Variants in EXOC6 observed in about 807,000 individuals in gnomAD.
The protein encoded by EXOC6 is exocyst complex component 6.
In EXOC6, 60 loss-of-function variants were observed where a neutral mutation model predicts 112.5. That is an observed-to-expected ratio of 0.53 (90% CI 0.43 to 0.66). The LOEUF (loss-of-function observed/expected upper bound fraction) is 0.66. EXOC6 is among the 30% of genes least tolerant of loss of function. EXOC6 has a pLI of 0.00. For synonymous variants in EXOC6, 295 were observed against 308.0 expected (o/e 0.96, Z 0.44); for missense variants, 855 against 957.1 (o/e 0.89, Z 1.41).
chr10:92,930,259 T>G (rs1179474025), intron 9 of EXOC6, among the ~76,000 whole-genome samples: 1 of 152,190 alleles, frequency 6.6e-6, no homozygotes, highest in East Asian at 1.9e-4. Flanking sequence ...TCCCAGCGCT[T>G]TGGGAGGCTG....
At chr10:92,853,680 C>A (rs1847458155) in intron 1 of EXOC6, among the ~76,000 whole-genome samples, 1 of 152,064 alleles carries the variant, frequency 6.6e-6, no homozygotes, top group Non-Finnish European at 1.5e-5. Context: ...AATTGGATAT[C>A]CTTACATAAA....
intron 17 of EXOC6, among the ~76,000 whole-genome samples, chr10:92,970,304 C>A (rs1842245836): frequency 6.6e-6 from 1 of 152,164 alleles, no homozygotes; most frequent in Non-Finnish European, 1.5e-5. Flanking sequence ...TGTCATTATA[C>A]CCTAAACAAT....
chr10:92,874,425 C>T (rs923201599), intron 1 of EXOC6, among the ~76,000 whole-genome samples: 1 of 151,880 alleles, frequency 6.6e-6, no homozygotes, highest in Non-Finnish European at 1.5e-5. Flanking sequence ...TATTGTGACA[C>T]AAACAGAAAA....
At chr10:92,961,610 TAAA>T (rs968710683) in intron 17 of EXOC6, among the ~76,000 whole-genome samples, 6 of 150,228 alleles carry the variant, frequency 4.0e-5, no homozygotes, top group African/African-American at 1.5e-4. Context: ...ACAGGAAAAA[TAAA>T]AACATTTTTT....
intron 17 of EXOC6, among the ~76,000 whole-genome samples, chr10:92,970,011 T>A (rs1433983935): frequency 6.6e-6 from 1 of 152,164 alleles, no homozygotes; most frequent in Non-Finnish European, 1.5e-5. Flanking sequence ...GTATTTTCTA[T>A]CCTTATCTAG....
chr10:92,948,868 G>A (rs987291626), intron 14 of EXOC6, among the ~76,000 whole-genome samples: 12 of 152,162 alleles, frequency 7.9e-5, no homozygotes, highest in Non-Finnish European at 1.2e-4. Context: ...TAAGTGATAT[G>A]TGAAGGCAAT....
At chr10:92,946,377 G>C (rs1853006521) in intron 13 of EXOC6, among the ~76,000 whole-genome samples, 1 of 151,964 alleles carries the variant, frequency 6.6e-6, no homozygotes, top group East Asian at 1.9e-4. Flanking sequence ...CTGGGCGACA[G>C]AGTGAGACCC....
chr10:92,872,312 T>G (rs1260537969), intron 1 of EXOC6, among the ~76,000 whole-genome samples: 2 of 152,110 alleles, frequency 1.3e-5, no homozygotes, highest in African/African-American at 4.8e-5. Flanking sequence ...TTTTATTTGT[T>G]AAATTTTGCT....
chr10:92,959,088 G>A (rs769673825), intron 17 of EXOC6, among the ~76,000 whole-genome samples: 6 of 151,956 alleles, frequency 3.9e-5, no homozygotes, highest in East Asian at 1.9e-4. Flanking sequence ...GTGAAACTCC[G>A]TCTCAAAAAC....
upstream of EXOC6, among the ~76,000 whole-genome samples, chr10:92,831,873 TATTTTTGTTCAC>T (rs1479766061): frequency 6.6e-6 from 1 of 152,218 alleles, no homozygotes; most frequent in Non-Finnish European, 1.5e-5. Flanking sequence ...ATGAAGGGTA[TATTTTTGTTCAC>T]ATTATATTCT....
At chr10:92,852,899 A>G (rs1451040638) in intron 1 of EXOC6, among the ~76,000 whole-genome samples, 1 of 152,156 alleles carries the variant, frequency 6.6e-6, no homozygotes, top group African/African-American at 2.4e-5. Flanking sequence ...ACTGTACTAG[A>G]ATGTTGAATA....
chr10:92,896,152 T>TAC, intron 4 of EXOC6, among the ~76,000 whole-genome samples: 1 of 13,872 alleles, frequency 7.2e-5, no homozygotes, highest in African/African-American at 4.8e-4. Context: ...TATGTGTATA[T>TAC]ATATATATAT....
chr10:93,037,542 C>T (rs994998848), intron 20 of EXOC6, among the ~76,000 whole-genome samples: 2 of 151,094 alleles, frequency 1.3e-5, no homozygotes, highest in African/African-American at 4.9e-5. Context: ...CAGGTTCAAG[C>T]GATTCTCCTG....
chr10:93,003,008 T>G (rs999514307), intron 19 of EXOC6, among the ~76,000 whole-genome samples: 1 of 152,060 alleles, frequency 6.6e-6, no homozygotes, highest in African/African-American at 2.4e-5. Flanking sequence ...GGAACTCAGA[T>G]TGGAAATCAT....
chr10:92,956,344 C>A (rs528126394), intron 17 of EXOC6, among the ~76,000 whole-genome samples: 1 of 152,090 alleles, frequency 6.6e-6, no homozygotes, highest in South Asian at 2.1e-4. Flanking sequence ...TAATGATAAA[C>A]CATGTACTGA....
chr10:92,940,362 A>G (rs1355156766), intron 12 of EXOC6, among the ~76,000 whole-genome samples: 1 of 152,140 alleles, frequency 6.6e-6, no homozygotes, highest in Non-Finnish European at 1.5e-5. Context: ...GACAGAATCC[A>G]TTCCCTTTTC....
intron 7 of EXOC6, among the ~76,000 whole-genome samples, chr10:92,917,557 C>T (rs1177476231): frequency 6.9e-6 from 1 of 144,422 alleles, no homozygotes; most frequent in Non-Finnish European, 1.5e-5. Flanking sequence ...AGAGATAGGG[C>T]TCACTGTGTT....
At chr10:92,930,852 G>T (rs1851986560) in intron 9 of EXOC6, among the ~76,000 whole-genome samples, 1 of 152,106 alleles carries the variant, frequency 6.6e-6, no homozygotes, top group Admixed American at 6.5e-5. Context: ...GCTGGCTCAT[G>T]CCTGTAATCC....
At chr10:92,926,540 G>A (rs1564836511) in intron 8 of EXOC6, among the ~76,000 whole-genome samples, 1 of 150,974 alleles carries the variant, frequency 6.6e-6, no homozygotes, top group South Asian at 2.1e-4. Context: ...AAAAAAAAAA[G>A]AAAGAAAAAA....
Sources: gnomAD v4.1 joint callset for allele counts (sites outside exome capture counted in the v4.1 genomes callset) on GRCh38, gnomAD v4.1.1 for gene constraint, MANE v1.5 for transcripts, NCBI Gene and HGNC (gene_info 2026-07-23, HGNC 2026-07-21) for gene names.